CSMD1: variants seen among roughly 807,000 people sequenced by gnomAD.
CSMD1 encodes CUB and sushi domain-containing protein 1.
In CSMD1, 213 loss-of-function variants were observed where a neutral mutation model predicts 417.5. The observed-to-expected ratio is 0.51, with a 90% CI of 0.46 to 0.57. The LOEUF (loss-of-function observed/expected upper bound fraction) is 0.57, where lower values mean the gene tolerates loss of function less well. CSMD1 is among the 20% of genes least tolerant of loss of function. The pLI is 0.00. For synonymous variants in CSMD1, 2,862 were observed against 1,736.8 expected (o/e 1.65, Z -16.11); for missense variants, 6,923 against 4,529.7 (o/e 1.53, Z -15.17).
intron 10 of CSMD1, among the ~76,000 whole-genome samples, chr8:3,523,365 G>A (rs1025696069): frequency 1.3e-5 from 2 of 152,176 alleles, no homozygotes; most frequent in African/African-American, 2.4e-5. Context: ...GAGATTACGT[G>A]AGATGGAACT....
chr8:4,853,933 T>A (rs1801635311), intron 1 of CSMD1, among the ~76,000 whole-genome samples: 1 of 152,208 alleles, frequency 6.6e-6, no homozygotes, highest in Admixed American at 6.5e-5. Context: ...TTCAGAATTA[T>A]GTGGGGCTTA....
At chr8:4,400,840 T>G (rs889710099) in intron 3 of CSMD1, among the ~76,000 whole-genome samples, 1 of 151,768 alleles carries the variant, frequency 6.6e-6, no homozygotes, top group South Asian at 2.1e-4. Context: ...TTGAAGAACA[T>G]TTTTTATTTA....
chr8:4,710,821 G>A (rs1364135204), intron 1 of CSMD1, among the ~76,000 whole-genome samples: 1 of 151,170 alleles, frequency 6.6e-6, no homozygotes, highest in Admixed American at 6.6e-5. Context: ...CTCTAGCCTG[G>A]GAGACAGAGT....
chr8:4,143,152 G>C (rs1028410583), intron 3 of CSMD1, among the ~76,000 whole-genome samples: 2 of 148,446 alleles, frequency 1.3e-5, no homozygotes, highest in Admixed American at 6.7e-5. Context: ...AGAAACAAAT[G>C]CACTAGCAAA....
rs540274722 is a variant in CSMD1 at position 3,543,287 on chromosome 8, A to G, written c.1344+31658T>C. ...CATGTTTTACAGAGGACATCGGAGA[A>G]CATTATTAGAATAATTTATGTTTTT... On this transcript the variant is annotated intron_variant, in intron 10 of 69. Transcript: ENST00000635120. Among the ~76,000 whole-genome samples the G allele has an allele frequency of 1.1e-3, 171 of 152,336 alleles. 1 individual carries two copies. Among genetic ancestry groups the G allele is most frequent in the African/African-American group, 4.0e-3 (165 of 41,574 alleles).
chr8:4,077,157 A>G (rs1799861781), intron 3 of CSMD1, among the ~76,000 whole-genome samples: 2 of 151,588 alleles, frequency 1.3e-5, no homozygotes, highest in Non-Finnish European at 2.9e-5. Flanking sequence ...GACGCATCCA[A>G]CTGCACCCAA....
intron 7 of CSMD1, among the ~76,000 whole-genome samples, chr8:3,678,407 C>G (rs999379599): frequency 1.3e-5 from 2 of 151,924 alleles, no homozygotes; most frequent in Non-Finnish European, 2.9e-5. Context: ...TTTGAACAGC[C>G]GATTCGATCA....
chr8:4,689,382 T>G (rs1806606191), intron 1 of CSMD1, among the ~76,000 whole-genome samples: 1 of 152,210 alleles, frequency 6.6e-6, no homozygotes, highest in African/African-American at 2.4e-5. Context: ...TAGAGTCATA[T>G]TTGTCATCTA....
chr8:3,831,460 T>A (rs1304894805), intron 5 of CSMD1, among the ~76,000 whole-genome samples: 1 of 152,134 alleles, frequency 6.6e-6, no homozygotes, highest in Non-Finnish European at 1.5e-5. Context: ...AGGAGATTCC[T>A]TATAAACATG....
At chr8:3,695,483 A>T (rs1800500326) in intron 7 of CSMD1, among the ~76,000 whole-genome samples, 1 of 152,182 alleles carries the variant, frequency 6.6e-6, no homozygotes, top group African/African-American at 2.4e-5. Flanking sequence ...ATCTGGCTTT[A>T]CCTTATGATA....
At chr8:4,209,013 A>G (rs113369694) in intron 3 of CSMD1, among the ~76,000 whole-genome samples, 6 of 152,214 alleles carry the variant, frequency 3.9e-5, no homozygotes, top group African/African-American at 1.2e-4. Context: ...GCCGTGAACC[A>G]TAATGAATCC....
At chr8:3,888,129 T>A (rs1254186552) in intron 5 of CSMD1, among the ~76,000 whole-genome samples, 1 of 152,186 alleles carries the variant, frequency 6.6e-6, no homozygotes. Flanking sequence ...TGGGATAACA[T>A]GGATAACTAA....
intron 25 of CSMD1, among the ~76,000 whole-genome samples, chr8:3,299,338 G>A (rs1804208089): frequency 6.6e-6 from 1 of 152,102 alleles, no homozygotes; most frequent in South Asian, 2.1e-4. Context: ...TGTAATCCCA[G>A]CTACTCAGGA....
At chr8:3,434,978 CCAGGGAGCTGGTAGCAGACAGGA>C (rs1255448814) in intron 12 of CSMD1, among the ~76,000 whole-genome samples, 6 of 152,252 alleles carry the variant, frequency 3.9e-5, no homozygotes, top group South Asian at 2.1e-4. Flanking sequence ...ATTTATCCCC[CCAGGGAGCTGGTAGCAGACAGGA>C]CAGGGAGCTG....
chr8:3,097,242 T>C (rs1214388401), intron 46 of CSMD1, among the ~76,000 whole-genome samples: 2 of 152,194 alleles, frequency 1.3e-5, no homozygotes. Flanking sequence ...TTTGCAGTTC[T>C]CTACACTCAG....
intron 26 of CSMD1, among the ~76,000 whole-genome samples, chr8:3,276,180 A>T (rs1282368773): frequency 6.6e-6 from 1 of 151,370 alleles, no homozygotes; most frequent in East Asian, 2.0e-4. Context: ...CTGTTGGAGT[A>T]CTCGGCCGTG....
At chr8:3,593,704 T>C (rs1049315637) in intron 8 of CSMD1, among the ~76,000 whole-genome samples, 2 of 152,244 alleles carry the variant, frequency 1.3e-5, no homozygotes, top group South Asian at 2.1e-4. Flanking sequence ...AACTACATTT[T>C]ATACATCAGA....
In CSMD1 at chr8:4,839,943, G is replaced by A. The variant is rs183111324; in HGVS notation, c.85+154389C>T. ...CAATACAACTCTACAACACAGACCC[G>A]GAGACCAAAAGTCTTCAGTGTTTGC... On this transcript the variant is annotated intron_variant, in intron 1 of 69. Transcript: ENST00000635120. Among the ~76,000 whole-genome samples, 7 of 152,222 alleles carry A rather than the reference G, an allele frequency of 4.6e-5. No individual in the cohort carries two copies. In the East Asian group the frequency reaches 7.7e-4, roughly 17 times the overall value.
intron 1 of CSMD1, among the ~76,000 whole-genome samples, chr8:4,936,828 C>A (rs1438422192): frequency 6.6e-6 from 1 of 152,188 alleles, no homozygotes; most frequent in African/African-American, 2.4e-5. Flanking sequence ...AGCTTTGCTG[C>A]TAAATAAAAA....
Sources: gnomAD v4.1 joint callset for allele counts (sites outside exome capture counted in the v4.1 genomes callset) on GRCh38, gnomAD v4.1.1 for gene constraint, MANE v1.5 for transcripts, NCBI Gene and HGNC (gene_info 2026-07-23, HGNC 2026-07-21) for gene names.